TMEM184B: variants seen among roughly 807,000 people sequenced by gnomAD.
TMEM184B encodes the protein transmembrane protein 184B, also known as putative MAPK-activating protein FM08.
TMEM184B carries 17 observed loss-of-function variants against 41.8 expected under a neutral mutation model. The observed-to-expected ratio is 0.41, with a 90% CI of 0.28 to 0.61. The LOEUF (loss-of-function observed/expected upper bound fraction) is 0.61, where lower values mean the gene tolerates loss of function less well. Ranked by LOEUF, TMEM184B falls within the 20% of genes least tolerant of loss-of-function variation. The pLI is 0.34. For synonymous variants in TMEM184B, 240 were observed against 229.5 expected, an observed-to-expected ratio of 1.05 and a Z score of -0.41; for missense variants, 393 against 557.8, an observed-to-expected ratio of 0.70 and a Z score of 2.98.
chr22:38,245,895 A>ACCCCCCCCCCCC, intron 3 of TMEM184B, 40 bp downstream of exon 3: 1 of 380,698 alleles, frequency 2.6e-6, no homozygotes, highest in Non-Finnish European at 4.6e-6. Context: ...CCAGCCCCCC[A>ACCCCCCCCCCCC]GCCCCCCGCC....
chr22:38,268,268 C>A (rs749829709), intron 1 of TMEM184B, among the ~76,000 whole-genome samples: 3 of 151,498 alleles, frequency 2.0e-5, no homozygotes, highest in African/African-American at 7.3e-5. Flanking sequence ...GTAATCCCCG[C>A]TACTTGGGAG....
chr22:38,229,647 C>G, intron 5 of TMEM184B, among the ~76,000 whole-genome samples: 1 of 141,890 alleles, frequency 7.0e-6, no homozygotes, highest in East Asian at 2.2e-4. Flanking sequence ...ACAGGGAGGT[C>G]AGCCCAGGAA....
In TMEM184B at chr22:38,219,823, G is replaced by A. The variant is rs905472363; in HGVS notation, c.*1646C>T. On this transcript the variant is annotated 3_prime_UTR_variant, in exon 9 of 9. Coordinates refer to ENST00000361906, the MANE Select transcript of TMEM184B (RefSeq NM_012264.5). ...AGCCTGTGTCTGCACCCACCCTCCC[G>A]GGCAGCTTGGGCCCAACTGCTCCGC... 29 of 985,320 alleles carry A rather than the reference G, an allele frequency of 2.9e-5. No homozygotes were observed. Among genetic ancestry groups the A allele is most frequent in the Middle Eastern group, 5.2e-4 (1 of 1,938 alleles). The allele number at this position is 985,320 out of a possible 1,614,324, so 61.0% of individuals were successfully genotyped here.
chr22:38,243,536 A>G (rs936793395), intron 3 of TMEM184B, among the ~76,000 whole-genome samples: 1 of 152,122 alleles, frequency 6.6e-6, no homozygotes, highest in Non-Finnish European at 1.5e-5. Context: ...TCTCAGCCCC[A>G]CACTTCGCCA....
At chr22:38,242,132 AT>A (rs903643375) in intron 3 of TMEM184B, among the ~76,000 whole-genome samples, 2 of 151,570 alleles carry the variant, frequency 1.3e-5, no homozygotes, top group East Asian at 1.9e-4. Flanking sequence ...AATAAATGTA[AT>A]TTTTTTTAGT....
Position 38,259,287 on chromosome 22 carries a change from T to C in TMEM184B, c.-58-11268A>G, listed in dbSNP as rs190354489. 3.3e-5 allele frequency among the ~76,000 whole-genome samples: 5 copies of C among 152,292 alleles called. No homozygotes were observed. The East Asian group carries it at 9.6e-4, about 29-fold the overall frequency. ...ATGGATTTTATTATGTGCTGTGTGG[T>C]AGGCTGAAGAATAATCCCCCAAAGA... is the stretch of plus-strand genomic sequence containing the variant. On this transcript the variant is annotated intron_variant, in intron 1 of 8. Coordinates refer to ENST00000361906, the MANE Select transcript of TMEM184B (RefSeq NM_012264.5).
chr22:38,268,164 C>T (rs1226824564), intron 1 of TMEM184B, among the ~76,000 whole-genome samples: 1 of 152,062 alleles, frequency 6.6e-6, no homozygotes, highest in Non-Finnish European at 1.5e-5. Context: ...GGGCAGATCA[C>T]AAGGTCAGGA....
Position 38,225,890 on chromosome 22 carries a change from G to A in TMEM184B, c.618-297C>T, listed in dbSNP as rs1015874989. ...GTGTGGAAGCCAGGGCCGGGCCCGA[G>A]GCCATAGCCTGACACTCAGATAACA... On this transcript the variant is annotated intron_variant, in intron 6 of 8. Transcript: ENST00000361906. This position sits in a 1 kb window ranked among gnomAD's most constrained non-coding sequence, Gnocchi z 4.4. 5.9e-5 allele frequency among the ~76,000 whole-genome samples: 9 copies of A among 152,180 alleles called. No homozygotes were observed. The highest frequency in any genetic ancestry group is 1.9e-4 in the African/African-American group (8 of 41,432).
At chr22:38,233,967 C>A (rs1335683361) in intron 3 of TMEM184B, among the ~76,000 whole-genome samples, 4 of 152,092 alleles carry the variant, frequency 2.6e-5, no homozygotes. Context: ...CAGGGTTTTA[C>A]CATGTTGGCC....
intron 3 of TMEM184B, among the ~76,000 whole-genome samples, chr22:38,243,896 G>A (rs1034631221): frequency 1.3e-5 from 2 of 152,152 alleles, no homozygotes; most frequent in African/African-American, 2.4e-5. Flanking sequence ...GATGGAACAC[G>A]AAGCAAGGGA....
intron 3 of TMEM184B, among the ~76,000 whole-genome samples, chr22:38,242,762 T>C (rs917686632): frequency 6.6e-6 from 1 of 152,144 alleles, no homozygotes; most frequent in Non-Finnish European, 1.5e-5. Flanking sequence ...CTGCCTCTGA[T>C]GCTAAAAGCT....
chr22:38,243,537 C>T (rs2091960986), intron 3 of TMEM184B, among the ~76,000 whole-genome samples: 2 of 152,204 alleles, frequency 1.3e-5, no homozygotes, highest in South Asian at 2.1e-4. Flanking sequence ...CTCAGCCCCA[C>T]ACTTCGCCAA....
chr22:38,231,813 T>A (rs1037273284), intron 3 of TMEM184B: 4 of 273,658 alleles, frequency 1.5e-5, no homozygotes, highest in African/African-American at 8.8e-5. Context: ...TGTGCTACAC[T>A]GATCTGGTGT....
chr22:38,267,379 T>G (rs1264541628), intron 1 of TMEM184B, among the ~76,000 whole-genome samples: 2 of 151,442 alleles, frequency 1.3e-5, no homozygotes, highest in African/African-American at 4.9e-5. Context: ...CAAGGCTGTT[T>G]AGTGAGCACC....
At chr22:38,262,247 C>T (rs1016359760) in intron 1 of TMEM184B, among the ~76,000 whole-genome samples, 7 of 152,262 alleles carry the variant, frequency 4.6e-5, no homozygotes, top group African/African-American at 1.4e-4. Flanking sequence ...TGACTACCGG[C>T]GAAGAGCGAG....
chr22:38,221,785 T>A, intron 8 of TMEM184B, 75 bp from the exon 9 acceptor site: 1 of 1,568,746 alleles, frequency 6.4e-7, no homozygotes, highest in Non-Finnish European at 8.6e-7. Context: ...CCCCTGCCCG[T>A]GATCCTGGGA....
At chr22:38,270,832 C>T (rs1055109446) in intron 1 of TMEM184B, among the ~76,000 whole-genome samples, 3 of 152,238 alleles carry the variant, frequency 2.0e-5, no homozygotes, top group African/African-American at 7.2e-5. Context: ...CTGGAAATAG[C>T]TCTGAGCCCT....
intron 1 of TMEM184B, among the ~76,000 whole-genome samples, chr22:38,251,551 C>T (rs917274691): frequency 2.0e-5 from 3 of 152,218 alleles, no homozygotes; most frequent in Non-Finnish European, 1.5e-5. Context: ...GGCTGTCAAA[C>T]GTACTCCCAA....
At chr22:38,249,662 G>A (rs927661001) in intron 1 of TMEM184B, among the ~76,000 whole-genome samples, 1 of 152,190 alleles carries the variant, frequency 6.6e-6, no homozygotes, top group African/African-American at 2.4e-5. Flanking sequence ...GAATCTGCCA[G>A]CACCTTGATC....
Sources: gnomAD v4.1 joint callset for allele counts (sites outside exome capture counted in the v4.1 genomes callset) on GRCh38, gnomAD v4.1.1 for gene constraint, Gnocchi (gnomAD v3.1) non-coding constraint, MANE v1.5 for transcripts, NCBI Gene and HGNC (gene_info 2026-07-23, HGNC 2026-07-21) for gene names.